The following BMX variants were observed in gnomAD, a reference collection of about 807,000 sequenced individuals.
The protein encoded by BMX is BMX non-receptor tyrosine kinase.
A neutral mutation model predicts 59.2 loss-of-function variants in BMX; 31 were observed. The observed-to-expected ratio is 0.52, with a 90% CI of 0.39 to 0.71. The LOEUF is 0.71. BMX is among the 30% of genes least tolerant of loss of function. BMX has a pLI of 0.00. For missense variants in BMX, 474 were observed against 491.7 expected (o/e 0.96, Z 0.34); for synonymous variants, 185 against 181.0 (o/e 1.02, Z -0.18).
At chrX:15,517,150 A>G (rs909173994) in intron 5 of BMX, among the ~76,000 whole-genome samples, 1 of 112,004 alleles carries the variant, frequency 8.9e-6, no homozygotes, top group African/African-American at 3.2e-5. Flanking sequence ...CAAAAAATCA[A>G]TTAATAAATA....
chrX:15,534,152 C>A (rs1925218046), intron 11 of BMX, 60 bp from the exon 12 acceptor site: 1 of 1,016,380 alleles, frequency 9.8e-7, no homozygotes, highest in Admixed American at 3.5e-5. Flanking sequence ...ATTATTTAAC[C>A]CTTGCTTAAT....
At chrX:15,536,300 T>C in intron 12 of BMX, 53 bp from the exon 13 acceptor site, 1 of 1,134,048 alleles carries the variant, frequency 8.8e-7, no homozygotes. Flanking sequence ...TGTTACATAA[T>C]GTGATGGGAT....
intron 7 of BMX, among the ~76,000 whole-genome samples, chrX:15,523,156 T>C (rs73635812): frequency 0.056 from 6,280 of 112,182 alleles, 431 homozygotes; most frequent in African/African-American, 0.19. Flanking sequence ...CTACACTTGA[T>C]GCCCAATAAA....
intron 1 of BMX, among the ~76,000 whole-genome samples, chrX:15,505,442 C>G (rs143555654): frequency 9.0e-6 from 1 of 111,635 alleles, no homozygotes; most frequent in African/African-American, 3.3e-5. Context: ...GTTTGTTACA[C>G]GAGAACAACA....
At chrX:15,506,068 A>C (rs530452940) in intron 1 of BMX, among the ~76,000 whole-genome samples, 2 of 110,322 alleles carry the variant, frequency 1.8e-5, no homozygotes, top group Middle Eastern at 9.3e-3. Flanking sequence ...TGTCAAAAAA[A>C]TTTTCTAGAG....
At chrX:15,518,186 A>G (rs1924253822) in intron 6 of BMX, among the ~76,000 whole-genome samples, 193 bp downstream of exon 6, 1 of 110,085 alleles carries the variant, frequency 9.1e-6, no homozygotes, top group Admixed American at 9.7e-5. Context: ...GTAATATCTC[A>G]TATTTTTGCA....
chrX:15,521,544 G>A (rs1924456074), intron 6 of BMX, among the ~76,000 whole-genome samples: 1 of 111,867 alleles, frequency 8.9e-6, no homozygotes, highest in South Asian at 3.7e-4. Context: ...CTGCACAGCT[G>A]TGTTTCCTCT....
At position 15,511,719 on chromosome X, in the gene BMX, C is replaced by G. The variant is rs752105094; in HGVS notation, c.325+201C>G. Among the ~76,000 whole-genome samples, 12 of 111,118 alleles carry G rather than the reference C, an allele frequency of 1.1e-4. No individual in the cohort carries two copies. The South Asian group carries it at 3.0e-3, about 28-fold the overall frequency. On this transcript the variant is annotated intron_variant, in intron 4 of 18. Coordinates refer to ENST00000348343, the MANE Select transcript of BMX (RefSeq NM_203281.3). Reference sequence around the variant, plus strand: ...CTTTCTCATTGTTACATACAGGAAGCCTGTGGATTGGATTCCCTGGCCCAC... The same window carrying G: ...CTTTCTCATTGTTACATACAGGAAGGCTGTGGATTGGATTCCCTGGCCCAC...
chrX:15,507,091 G>A (rs1226565161), intron 1 of BMX, among the ~76,000 whole-genome samples: 3 of 112,739 alleles, frequency 2.7e-5, no homozygotes, highest in Non-Finnish European at 5.6e-5. Flanking sequence ...TCAATGCCAG[G>A]CTGTATTTCT....
At chrX:15,535,793 C>T (rs1925304097) in intron 12 of BMX, among the ~76,000 whole-genome samples, 1 of 111,411 alleles carries the variant, frequency 9.0e-6, no homozygotes, top group Admixed American at 9.6e-5. Context: ...ACTTGGAGAG[C>T]ATTCCACATT....
intron 7 of BMX, among the ~76,000 whole-genome samples, chrX:15,523,692 G>A (rs1924578112): frequency 1.8e-5 from 2 of 111,703 alleles, no homozygotes; most frequent in African/African-American, 6.5e-5. Flanking sequence ...TGTTAATTGT[G>A]TTCCAGGTCC....
chrX:15,547,855 G>A (rs1225845538), intron 17 of BMX, among the ~76,000 whole-genome samples: 6 of 111,273 alleles, frequency 5.4e-5, no homozygotes, highest in Admixed American at 3.8e-4. Flanking sequence ...AATCACTGTC[G>A]GATGGACCCA....
intron 1 of BMX, among the ~76,000 whole-genome samples, chrX:15,506,987 T>C (rs2147102294): frequency 8.8e-6 from 1 of 113,284 alleles, no homozygotes; most frequent in South Asian, 3.6e-4. Context: ...TTGTTCTACA[T>C]AGTAAATAAT....
intron 3 of BMX, among the ~76,000 whole-genome samples, chrX:15,510,007 G>C (rs1485174350): frequency 9.0e-6 from 1 of 111,609 alleles, no homozygotes; most frequent in Non-Finnish European, 1.9e-5. Flanking sequence ...GGAAGCAGCA[G>C]GTGTCAAGGC....
chrX:15,541,963 G>A lies in BMX; in HGVS notation c.1395-19G>A, dbSNP rs1464420540. 8.4e-7 allele frequency: 1 copy of A among 1,192,236 alleles called. No homozygotes were observed. The highest frequency in any genetic ancestry group is 1.8e-5 in the African/African-American group (1 of 56,783). On this transcript the variant is annotated intron_variant, in intron 14 of 18. Transcript: ENST00000348343. Reference sequence around the variant, plus strand: ...AATGGAGTGTGGAGCATTGAACTTTGAAAATCTGTTATTTCCAGGAAACTC... The same window carrying A: ...AATGGAGTGTGGAGCATTGAACTTTAAAAATCTGTTATTTCCAGGAAACTC...
At chrX:15,512,351 G>GATTTTATTTT (rs759496829) in intron 4 of BMX, among the ~76,000 whole-genome samples, 246 of 105,396 alleles carry the variant, frequency 2.3e-3, no homozygotes, top group African/African-American at 9.1e-3. Context: ...GATGGAGGAA[G>GATTTTATTTT]ATTTTATTTT....
At chrX:15,525,158 C>A (rs1924650738) in intron 7 of BMX, 130 bp from the exon 8 acceptor site, 1 of 631,544 alleles carries the variant, frequency 1.6e-6, no homozygotes. Context: ...TTAAATTTCC[C>A]AAACAAGTGA....
chrX:15,537,343 C>G (rs1218640771), intron 14 of BMX, 38 bp downstream of exon 14: 1 of 1,188,663 alleles, frequency 8.4e-7, no homozygotes, highest in East Asian at 3.0e-5. Context: ...TAGCCCTCAT[C>G]ATGGGAGGGC....
intron 5 of BMX, 58 bp from the exon 6 acceptor site, chrX:15,517,871 G>A: frequency 1.0e-6 from 1 of 979,427 alleles, no homozygotes; most frequent in African/African-American, 1.9e-5. Context: ...ATAACATTGA[G>A]TGTTTCTCTT....
Sources: gnomAD v4.1 joint callset for allele counts (sites outside exome capture counted in the v4.1 genomes callset) on GRCh38, gnomAD v4.1.1 for gene constraint, MANE v1.5 for transcripts, NCBI Gene and HGNC (gene_info 2026-07-23, HGNC 2026-07-21) for gene names.